CNBD1: variants seen among roughly 807,000 people sequenced by gnomAD.
CNBD1 encodes the protein cyclic nucleotide binding domain containing 1.
Under a neutral mutation model 54.4 loss-of-function variants are expected in CNBD1, and 71 were observed. That is an observed-to-expected ratio of 1.30 (90% confidence interval 1.08 to 1.59). The LOEUF (loss-of-function observed/expected upper bound fraction) is 1.59. Among genes scored for constraint, CNBD1 ranks in the 40% most tolerant of loss-of-function variants. CNBD1 has a pLI of 0.00. For missense variants in CNBD1, 659 were observed against 518.0 expected (o/e 1.27, Z -2.64); for synonymous variants, 182 against 170.7 (o/e 1.07, Z -0.51).
intron 4 of CNBD1, among the ~76,000 whole-genome samples, chr8:86,991,551 C>A (rs1291200753): frequency 6.6e-6 from 1 of 152,058 alleles, no homozygotes; most frequent in Non-Finnish European, 1.5e-5. Flanking sequence ...TTTTCTTCTG[C>A]TAGCTTTGGA....
At chr8:87,266,421 TAA>T (rs541109611) in intron 6 of CNBD1, among the ~76,000 whole-genome samples, 3 of 72,838 alleles carry the variant, frequency 4.1e-5, no homozygotes, top group African/African-American at 1.1e-4. Context: ...GAGGTCCAAG[TAA>T]AAAAAAAAAA....
At chr8:87,116,913 A>G (rs1328239228) in intron 4 of CNBD1, among the ~76,000 whole-genome samples, 1 of 152,068 alleles carries the variant, frequency 6.6e-6, no homozygotes, top group East Asian at 1.9e-4. Flanking sequence ...AACAGTTCTT[A>G]TTAAGTCTAT....
At chr8:87,397,082 A>G (rs1246309185) in intron 2 of CNBD1, among the ~76,000 whole-genome samples, 1 of 151,572 alleles carries the variant, frequency 6.6e-6, no homozygotes, top group Non-Finnish European at 1.5e-5. Flanking sequence ...TAGACTCTTG[A>G]TTATTTGACT....
intron 4 of CNBD1, among the ~76,000 whole-genome samples, chr8:87,004,206 G>A (rs971039190): frequency 5.3e-5 from 8 of 152,244 alleles, no homozygotes; most frequent in South Asian, 2.1e-4. Context: ...CAGAGTGCCA[G>A]CATCTGCTCA....
intron 3 of CNBD1, among the ~76,000 whole-genome samples, chr8:86,933,157 A>G (rs569744596): frequency 2.0e-5 from 3 of 152,168 alleles, no homozygotes; most frequent in East Asian, 1.9e-4. Context: ...ATACCCCCCA[A>G]TTTTGGAGTC....
chr8:87,162,761 T>C (rs753738042), intron 4 of CNBD1, among the ~76,000 whole-genome samples: 5 of 152,056 alleles, frequency 3.3e-5, no homozygotes, highest in Non-Finnish European at 7.4e-5. Flanking sequence ...AGGAATGCTG[T>C]CTTCATGTGA....
At chr8:87,190,046 G>T (rs1813565152) in intron 4 of CNBD1, among the ~76,000 whole-genome samples, 2 of 152,146 alleles carry the variant, frequency 1.3e-5, no homozygotes, top group South Asian at 4.1e-4. Context: ...CCACAATGCT[G>T]CTTCTAAAAC....
chr8:86,965,048 C>G (rs908199899), intron 4 of CNBD1, among the ~76,000 whole-genome samples: 13 of 152,160 alleles, frequency 8.5e-5, no homozygotes, highest in African/African-American at 3.1e-4. Context: ...ATTTTTACCA[C>G]AAGTTTACAT....
chr8:87,277,186 G>C (rs1052069678), intron 6 of CNBD1, among the ~76,000 whole-genome samples: 1 of 151,590 alleles, frequency 6.6e-6, no homozygotes, highest in African/African-American at 2.4e-5. Flanking sequence ...TGATGTCCAA[G>C]TTTCAGTATG....
intron 4 of CNBD1, among the ~76,000 whole-genome samples, chr8:87,201,468 A>C (rs1813860850): frequency 6.6e-6 from 1 of 152,230 alleles, no homozygotes; most frequent in Non-Finnish European, 1.5e-5. Flanking sequence ...ATGATTTTGC[A>C]TATAGAAAAT....
At chr8:87,222,785 T>A (rs1054341376) in intron 5 of CNBD1, among the ~76,000 whole-genome samples, 1 of 152,142 alleles carries the variant, frequency 6.6e-6, no homozygotes, top group African/African-American at 2.4e-5. Flanking sequence ...TTTCTCTAAC[T>A]AGTATTTTTA....
intron 4 of CNBD1, among the ~76,000 whole-genome samples, chr8:87,138,804 C>T (rs1011993253): frequency 5.9e-5 from 9 of 152,146 alleles, no homozygotes; most frequent in East Asian, 1.9e-4. Context: ...GGATTTCCAT[C>T]GTCCAGGATT....
intron 4 of CNBD1, among the ~76,000 whole-genome samples, chr8:87,054,991 A>G (rs1229965232): frequency 6.6e-6 from 1 of 152,176 alleles, no homozygotes; most frequent in Non-Finnish European, 1.5e-5. Flanking sequence ...TGAGAACGAG[A>G]AGCCTCAGAA....
chr8:86,939,670 A>G lies in CNBD1; in HGVS notation c.347A>G (p.Gln116Arg). ...DDSNNIAVHVQRAHGGHILYR... is the reference protein window; with the variant it reads ...DDSNNIAVHVRRAHGGHILYR... ...TCTAACAATATAGCTGTCCATGTTC[A>G]GAGAGCACATGGTGGCCATATTTTA... Residue 116 changes from glutamine (Q) to arginine (R), a missense_variant, in exon 4 of 11, where the codon CAG (glutamine) becomes CGG (arginine). Physicochemically the swap from Gln to Arg is conservative, Grantham distance 43. Coordinates refer to ENST00000518476, the MANE Select transcript of CNBD1 (RefSeq NM_173538.3). The G allele has an allele frequency of 6.2e-7, 1 of 1,602,790 alleles. No homozygotes were observed. The highest frequency in any genetic ancestry group is 1.1e-5 in the South Asian group (1 of 89,682).
intron 4 of CNBD1, among the ~76,000 whole-genome samples, chr8:87,044,855 G>A (rs1563447591): frequency 6.6e-6 from 1 of 152,160 alleles, no homozygotes; most frequent in Non-Finnish European, 1.5e-5. Context: ...TTGGCTGCCT[G>A]GCCTACTTAT....
chr8:87,069,485 A>G (rs150823457), intron 4 of CNBD1, among the ~76,000 whole-genome samples: 1 of 152,232 alleles, frequency 6.6e-6, no homozygotes, highest in Admixed American at 6.5e-5. Context: ...GTAACATGAT[A>G]TACAGGTTTA....
At chr8:87,393,862 C>A (rs1375794681) in intron 2 of CNBD1, among the ~76,000 whole-genome samples, 3 of 151,722 alleles carry the variant, frequency 2.0e-5, no homozygotes, top group East Asian at 1.9e-4. Context: ...CTGGAGAGAA[C>A]AAATGTGAGT....
chr8:86,984,381 A>G (rs1808557813), intron 4 of CNBD1, among the ~76,000 whole-genome samples: 1 of 152,160 alleles, frequency 6.6e-6, no homozygotes, highest in Admixed American at 6.5e-5. Flanking sequence ...TTGGAGCCCC[A>G]ACACAGAGTC....
At chr8:87,402,971 C>T (rs1303618280) in intron 2 of CNBD1, among the ~76,000 whole-genome samples, 3 of 152,010 alleles carry the variant, frequency 2.0e-5, no homozygotes, top group Non-Finnish European at 4.4e-5. Context: ...TGTGTTATCT[C>T]TCCAAGGAAA....
Sources: gnomAD v4.1 joint callset for allele counts (sites outside exome capture counted in the v4.1 genomes callset) on GRCh38, gnomAD v4.1.1 for gene constraint, MANE v1.5 for transcripts, NCBI Gene and HGNC (gene_info 2026-07-23, HGNC 2026-07-21) for gene names.